NFX1: variants seen among roughly 807,000 people sequenced by gnomAD.
The protein encoded by NFX1 is nuclear transcription factor, X-box binding 1.
In NFX1, 69 loss-of-function variants were observed where a neutral mutation model predicts 137.2. The ratio of observed to expected loss-of-function variants is 0.50; its 90% CI spans 0.41 to 0.61. NFX1 has a LOEUF of 0.61. NFX1 is among the 20% of genes least tolerant of loss of function. NFX1 has a pLI of 0.00. For synonymous variants in NFX1, 495 were observed against 474.1 expected (o/e 1.04, Z -0.57); for missense variants, 1,167 against 1,391.0 (o/e 0.84, Z 2.56).
chr9:33,338,609 A>G lies in NFX1; in HGVS notation c.2115+20A>G, dbSNP rs2118549240. ...TGTGTGGTAAGTGGACTTATTAGGC[A>G]TAATCAGATTCCATTCATCCAGGTG... On this transcript the variant is annotated intron_variant, in intron 12 of 23. Transcript: ENST00000379540. The G allele has an allele frequency of 6.4e-7, 1 of 1,565,574 alleles. No homozygotes were observed. Among genetic ancestry groups the G allele is most frequent in the Non-Finnish European group, 8.6e-7 (1 of 1,158,216 alleles).
chr9:33,295,780 T>C (rs1821333969), intron 2 of NFX1, among the ~76,000 whole-genome samples: 1 of 152,252 alleles, frequency 6.6e-6, no homozygotes, highest in African/African-American at 2.4e-5. Context: ...ACATCTCTGC[T>C]GCCTCTTTTG....
At chr9:33,300,357 C>T (rs1272243404) in intron 2 of NFX1, among the ~76,000 whole-genome samples, 1 of 152,066 alleles carries the variant, frequency 6.6e-6, no homozygotes, top group African/African-American at 2.4e-5. Context: ...GCCACCGTGT[C>T]CAACCTGTTA....
intron 15 of NFX1, among the ~76,000 whole-genome samples, chr9:33,349,653 G>T (rs183850453): frequency 1.3e-5 from 2 of 151,848 alleles, no homozygotes; most frequent in East Asian, 3.9e-4. Context: ...GTGAGGAAGC[G>T]TGGAAACAGG....
At chr9:33,302,123 C>T (rs1026736458) in intron 3 of NFX1, among the ~76,000 whole-genome samples, 10 of 151,830 alleles carry the variant, frequency 6.6e-5, no homozygotes, top group South Asian at 2.1e-4. Flanking sequence ...ACTATGCATA[C>T]GTAATAGTTT....
At chr9:33,362,531 C>T (rs927942053) in intron 19 of NFX1, among the ~76,000 whole-genome samples, 6 of 151,956 alleles carry the variant, frequency 3.9e-5, no homozygotes, top group Admixed American at 6.6e-5. Flanking sequence ...AGACACCACA[C>T]GATCTCACTC....
At chr9:33,323,689 G>A (rs569927394) in intron 9 of NFX1, among the ~76,000 whole-genome samples, 59 of 151,760 alleles carry the variant, frequency 3.9e-4, no homozygotes, top group Middle Eastern at 3.4e-3. Flanking sequence ...GGAGGCAGAG[G>A]TTGCAGTGAG....
intron 4 of NFX1, 43 bp from the exon 5 acceptor site, chr9:33,307,151 G>A (rs1467554672): frequency 6.6e-7 from 1 of 1,511,938 alleles, no homozygotes; most frequent in Non-Finnish European, 9.2e-7. Flanking sequence ...TGAGAATGTG[G>A]TTGAAGTTTG....
At chr9:33,295,451 A>G (rs763971076) in intron 2 of NFX1, 24 bp downstream of exon 2, 25 of 1,569,834 alleles carry the variant, frequency 1.6e-5, no homozygotes, top group Non-Finnish European at 2.2e-5. Context: ...GATAGGAAAT[A>G]TTTTGTTGTC....
At chr9:33,309,685 T>A (rs1344933986) in intron 5 of NFX1, among the ~76,000 whole-genome samples, 1 of 152,216 alleles carries the variant, frequency 6.6e-6, no homozygotes, top group Non-Finnish European at 1.5e-5. Context: ...TTGAGTGCAG[T>A]GGTGCTATCG....
intron 19 of NFX1, among the ~76,000 whole-genome samples, chr9:33,360,637 G>A (rs574220205): frequency 2.6e-5 from 4 of 151,686 alleles, no homozygotes; most frequent in East Asian, 1.9e-4. Flanking sequence ...ATATATACAC[G>A]CATACACCTG....
intron 19 of NFX1, among the ~76,000 whole-genome samples, chr9:33,361,240 CAAAAT>C (rs1294402437): frequency 6.6e-6 from 1 of 151,722 alleles, no homozygotes; most frequent in Non-Finnish European, 1.5e-5. Flanking sequence ...AGTGTGAAAA[CAAAAT>C]AATAATATGA....
chr9:33,324,950 G>C (rs1822525833), intron 9 of NFX1, among the ~76,000 whole-genome samples: 1 of 151,020 alleles, frequency 6.6e-6, no homozygotes, highest in African/African-American at 2.4e-5. Context: ...AAAAGAAAGA[G>C]ATTATATAAC....
chr9:33,318,390 G>A (rs636759), intron 7 of NFX1, among the ~76,000 whole-genome samples: 149,485 of 152,338 alleles, frequency 0.98, 73,413 homozygotes, highest in East Asian at 1. Flanking sequence ...ATGGTGTTCA[G>A]CCACGGCCTT....
Position 33,347,078 on chromosome 9 carries a change from C to T in NFX1, c.2385C>T (p.Cys795=). ...ATAGTGAGGAGAAGTGTCCCCCTTG[C>T]ACTTTCCTAACTCAGAAGTGGTGCA... is the stretch of plus-strand genomic sequence containing the variant. The part of the protein sequence containing the change: ...SCHSEEKCPP[C]TFLTQKWCMG... Residue 795 remains cysteine, a synonymous_variant, in exon 15 of 24, where the codon TGC becomes TGT. Transcript: ENST00000379540. 1.9e-6 allele frequency: 3 copies of T among 1,613,610 alleles called. No homozygotes were observed. The highest frequency in any genetic ancestry group is 2.5e-6 in the Non-Finnish European group (3 of 1,179,586).
intron 1 of NFX1, among the ~76,000 whole-genome samples, chr9:33,291,852 A>G (rs1009842093): frequency 2.0e-5 from 3 of 152,312 alleles, no homozygotes; most frequent in East Asian, 3.9e-4. Flanking sequence ...GCAGTGAGCC[A>G]AGATCGTGCC....
chr9:33,294,620 T>G lies in NFX1; in HGVS notation c.226T>G (p.Ser76Ala). The change falls in exon 2 of 24, where the codon TCA becomes GCA. Residue 76 changes from serine (S) to alanine (A), a missense_variant. Ser to Ala is a moderately conservative substitution (Grantham distance 99). Transcript: ENST00000379540. ...TGTTCATCAGCATAGTTATCATCCG[T>G]CAGGAAGCAAACCTAAGAGTCAGCA... Reference protein sequence around the residue: ...SAVHQHSYHPSGSKPKSQQTS... With the variant: ...SAVHQHSYHPAGSKPKSQQTS... 3 of 1,614,190 alleles carry G rather than the reference T, an allele frequency of 1.9e-6. No homozygotes were observed. The highest frequency in any genetic ancestry group is 2.5e-6 in the Non-Finnish European group (3 of 1,180,036).
At chr9:33,309,737 C>T (rs192161172) in intron 5 of NFX1, among the ~76,000 whole-genome samples, 1 of 152,330 alleles carries the variant, frequency 6.6e-6, no homozygotes, top group Non-Finnish European at 1.5e-5. Flanking sequence ...AAGCGATCCT[C>T]CCACCTCAGC....
intron 6 of NFX1, among the ~76,000 whole-genome samples, 159 bp from the exon 7 acceptor site, chr9:33,313,490 GAAAAT>G (rs1388647497): frequency 6.6e-6 from 1 of 151,930 alleles, no homozygotes; most frequent in African/African-American, 2.4e-5. Context: ...GAGTAATTGA[GAAAAT>G]AAGAATTGGA....
chr9:33,364,935 C>T lies in NFX1; in HGVS notation c.3039+161C>T, dbSNP rs1258589052. On this transcript the variant is annotated intron_variant, in intron 21 of 23. Coordinates refer to ENST00000379540, the MANE Select transcript of NFX1 (RefSeq NM_002504.6). ...CTTTCTCAAAACACAGCCATTATAA[C>T]ATCTGTGGAAGCCTGTCCTGGTTCA... 1.2e-5 allele frequency: 18 copies of T among 1,443,600 alleles called. No homozygotes were observed. The East Asian group carries it at 4.7e-4, about 37-fold the overall frequency. The allele number at this position is 1,443,600 out of a possible 1,614,324, so 89.4% of individuals were successfully genotyped here.
Sources: gnomAD v4.1 joint callset for allele counts (sites outside exome capture counted in the v4.1 genomes callset) on GRCh38, gnomAD v4.1.1 for gene constraint, MANE v1.5 for transcripts, NCBI Gene and HGNC (gene_info 2026-07-23, HGNC 2026-07-21) for gene names.